ITGA9: variants seen among roughly 807,000 people sequenced by gnomAD.
ITGA9 encodes integrin alpha-9.
A neutral mutation model predicts 127.8 loss-of-function variants in ITGA9; 56 were observed. The ratio of observed to expected loss-of-function variants is 0.44; its 90% CI spans 0.35 to 0.55. The LOEUF (loss-of-function observed/expected upper bound fraction) is 0.55. Among genes scored for constraint, ITGA9 ranks in the 20% least tolerant of loss-of-function variants. The pLI, the probability that ITGA9 is intolerant of heterozygous loss-of-function variation, is 0.00. For synonymous variants in ITGA9, 508 were observed against 514.5 expected, an observed-to-expected ratio of 0.99 and a Z score of 0.17; for missense variants, 1,196 against 1,347.1, an observed-to-expected ratio of 0.89 and a Z score of 1.76.
intron 26 of ITGA9, among the ~76,000 whole-genome samples, chr3:37,797,876 G>C (rs1423664427): frequency 2.0e-5 from 3 of 151,470 alleles, no homozygotes; most frequent in Non-Finnish European, 4.4e-5. Flanking sequence ...GTAGAGACGG[G>C]GTTTCGCCAT....
intron 15 of ITGA9, among the ~76,000 whole-genome samples, chr3:37,566,307 C>A (rs183621794): frequency 5.4e-4 from 82 of 152,144 alleles, no homozygotes; most frequent in African/African-American, 1.9e-3. Flanking sequence ...CATGGATGTG[C>A]CGGACAAAGG....
intron 15 of ITGA9, among the ~76,000 whole-genome samples, chr3:37,611,504 G>T (rs930053070): frequency 2.0e-5 from 3 of 152,114 alleles, no homozygotes; most frequent in African/African-American, 4.8e-5. Context: ...TTATAAGAAA[G>T]AATGAGTTTT....
intron 15 of ITGA9, among the ~76,000 whole-genome samples, chr3:37,578,163 T>C (rs1699671331): frequency 6.6e-6 from 1 of 152,198 alleles, no homozygotes. Flanking sequence ...GGGAAGACAC[T>C]CTACTGTGGT....
intron 17 of ITGA9, among the ~76,000 whole-genome samples, chr3:37,665,040 T>C (rs1472437027): frequency 1.3e-5 from 2 of 149,882 alleles, no homozygotes; most frequent in African/African-American, 2.5e-5. Context: ...TGGTGTGATC[T>C]CAGCTCGCTG....
At chr3:37,552,524 TGA>T (rs1231939035) in intron 15 of ITGA9, among the ~76,000 whole-genome samples, 4 of 152,166 alleles carry the variant, frequency 2.6e-5, no homozygotes, top group Admixed American at 6.5e-5. Flanking sequence ...GACTCTTTAA[TGA>T]GAGAGTCATT....
intron 16 of ITGA9, among the ~76,000 whole-genome samples, chr3:37,638,971 A>T (rs950686053): frequency 2.6e-5 from 4 of 152,212 alleles, no homozygotes; most frequent in Non-Finnish European, 5.9e-5. Context: ...GGGTTCCAGG[A>T]TAGGGCTTTG....
At chr3:37,595,762 G>T (rs1053884922) in intron 15 of ITGA9, among the ~76,000 whole-genome samples, 1 of 152,208 alleles carries the variant, frequency 6.6e-6, no homozygotes, top group Non-Finnish European at 1.5e-5. Flanking sequence ...CTGCCACCCA[G>T]TTTTTATGAA....
intron 15 of ITGA9, among the ~76,000 whole-genome samples, chr3:37,553,453 A>G (rs1214332770): frequency 1.8e-4 from 28 of 152,244 alleles, no homozygotes; most frequent in Non-Finnish European, 4.4e-5. Context: ...TTTGAAGAGT[A>G]CAGGTCAGTT....
At chr3:37,621,891 T>C (rs2027628) in intron 15 of ITGA9, among the ~76,000 whole-genome samples, 108,961 of 152,006 alleles carry the variant, frequency 0.72, 39,396 homozygotes, top group East Asian at 0.8. Context: ...CTGATTTTCT[T>C]ACCACTTATT....
intron 16 of ITGA9, among the ~76,000 whole-genome samples, chr3:37,631,115 A>G (rs1170279887): frequency 1.3e-5 from 2 of 152,160 alleles, no homozygotes; most frequent in African/African-American, 4.8e-5. Context: ...CTAAGGTCAA[A>G]TCTTACTGGA....
intron 26 of ITGA9, among the ~76,000 whole-genome samples, chr3:37,801,192 A>C (rs1196166478): frequency 6.6e-6 from 1 of 152,050 alleles, no homozygotes; most frequent in African/African-American, 2.4e-5. Context: ...AAAAGAGAAA[A>C]GAAATGAAAC....
intron 13 of ITGA9, among the ~76,000 whole-genome samples, chr3:37,527,630 AG>A (rs1189220721): frequency 1.3e-5 from 2 of 152,094 alleles, no homozygotes; most frequent in African/African-American, 4.8e-5. Context: ...CAAATGATTG[AG>A]GTTAGATTTG....
chr3:37,539,062 C>G (rs1177672753), intron 14 of ITGA9, among the ~76,000 whole-genome samples: 5 of 152,210 alleles, frequency 3.3e-5, no homozygotes, highest in Admixed American at 3.3e-4. Flanking sequence ...TTTCTGTGAA[C>G]TGTGGGTTGT....
intron 1 of ITGA9, among the ~76,000 whole-genome samples, chr3:37,470,140 GT>G (rs71288094): frequency 6.8e-4 from 91 of 133,070 alleles, no homozygotes; most frequent in East Asian, 5.7e-3. Context: ...GTTTCTTCTT[GT>G]TTTTTTTTTT....
At chr3:37,538,529 G>C (rs1051110021) in intron 14 of ITGA9, among the ~76,000 whole-genome samples, 2 of 152,186 alleles carry the variant, frequency 1.3e-5, no homozygotes, top group Non-Finnish European at 2.9e-5. Context: ...CCCAGGGACA[G>C]ACAGGGGCTG....
At chr3:37,463,726 A>G (rs1211586702) in intron 1 of ITGA9, among the ~76,000 whole-genome samples, 2 of 152,212 alleles carry the variant, frequency 1.3e-5, no homozygotes, top group Non-Finnish European at 2.9e-5. Flanking sequence ...TACAGGAAGG[A>G]TGGGGAATTG....
intron 16 of ITGA9, among the ~76,000 whole-genome samples, chr3:37,652,843 A>T (rs1700442472): frequency 6.6e-6 from 1 of 152,198 alleles, no homozygotes; most frequent in Non-Finnish European, 1.5e-5. Context: ...GAACTTGGGG[A>T]AGCTACTGTC....
At chr3:37,621,642 A>G (rs1000638030) in intron 15 of ITGA9, among the ~76,000 whole-genome samples, 1 of 152,206 alleles carries the variant, frequency 6.6e-6, no homozygotes, top group Non-Finnish European at 1.5e-5. Flanking sequence ...TTTACCTTTG[A>G]AGAGAAAAAA....
intron 15 of ITGA9, among the ~76,000 whole-genome samples, chr3:37,614,896 T>C (rs1242231317): frequency 6.6e-6 from 1 of 152,210 alleles, no homozygotes; most frequent in Non-Finnish European, 1.5e-5. Flanking sequence ...AGATATACAA[T>C]CATGTCATCT....
Sources: gnomAD v4.1 joint callset for allele counts (sites outside exome capture counted in the v4.1 genomes callset) on GRCh38, gnomAD v4.1.1 for gene constraint, MANE v1.5 for transcripts, NCBI Gene and HGNC (gene_info 2026-07-23, HGNC 2026-07-21) for gene names.